PLSCR2: variants seen among roughly 807,000 people sequenced by gnomAD.
PLSCR2 encodes the protein PL scramblase 2.
In PLSCR2, 18 loss-of-function variants were observed where a neutral mutation model predicts 25.3. The observed-to-expected ratio is 0.71, with a 90% confidence interval of 0.49 to 1.06. PLSCR2 has a LOEUF of 1.06. PLSCR2 is among the 50% of genes least tolerant of loss of function. The pLI is 0.00. For synonymous variants in PLSCR2, 88 were observed against 87.3 expected, an observed-to-expected ratio of 1.01 and a Z score of -0.04; for missense variants, 243 against 269.5, an observed-to-expected ratio of 0.90 and a Z score of 0.69.
chr3:146,484,527 G>T (rs138723748), intron 1 of PLSCR2, among the ~76,000 whole-genome samples: 185 of 152,160 alleles, frequency 1.2e-3, no homozygotes, highest in African/African-American at 3.4e-3. Flanking sequence ...ATACTGTTAA[G>T]GGCAGCCAGA....
At chr3:146,440,361 C>T (rs1370727169), downstream of PLSCR2, among the ~76,000 whole-genome samples, 101 of 152,244 alleles carry the variant, frequency 6.6e-4, no homozygotes, top group Non-Finnish European at 1.0e-4. Context: ...CAGCTATTCC[C>T]TGCTTCCAGA....
intron 2 of PLSCR2, chr3:146,401,248 T>C (rs571162015): frequency 6.6e-6 from 1 of 152,372 alleles, no homozygotes; most frequent in East Asian, 1.9e-4. Flanking sequence ...CAATTATCTC[T>C]CTGACGTTTT....
intron 2 of PLSCR2, among the ~76,000 whole-genome samples, chr3:146,411,374 G>A (rs1350672084): frequency 6.6e-6 from 1 of 152,188 alleles, no homozygotes; most frequent in African/African-American, 2.4e-5. Context: ...TACCAGAATC[G>A]AAGTCAAATC....
intron 6 of PLSCR2, among the ~76,000 whole-genome samples, chr3:146,445,709 GTTA>G (rs2040513091): frequency 6.6e-6 from 1 of 152,046 alleles, no homozygotes; most frequent in South Asian, 2.1e-4. Context: ...AAAGTTCTCT[GTTA>G]TTATCCCCTT....
At chr3:146,489,814 T>G (rs1362042849) in intron 1 of PLSCR2, among the ~76,000 whole-genome samples, 1 of 152,088 alleles carries the variant, frequency 6.6e-6, no homozygotes, top group Non-Finnish European at 1.5e-5. Context: ...ATCCTTCAAT[T>G]AGTCATGATT....
intron 2 of PLSCR2, among the ~76,000 whole-genome samples, chr3:146,403,148 A>G (rs2038537192): frequency 6.6e-6 from 1 of 151,768 alleles, no homozygotes; most frequent in Non-Finnish European, 1.5e-5. Flanking sequence ...TTGTAAACAC[A>G]CACACACACA....
chr3:146,404,835 G>T (rs2038606974), intron 2 of PLSCR2, among the ~76,000 whole-genome samples: 1 of 149,388 alleles, frequency 6.7e-6, no homozygotes, highest in Non-Finnish European at 1.5e-5. Context: ...GGGGGGTGGT[G>T]GTTAACTGGT....
chr3:146,469,471 C>G lies in PLSCR2; in HGVS notation c.-292-9187G>C, dbSNP rs535344. 5.8e-5 allele frequency: 56 copies of G among 965,012 alleles called. No homozygotes were observed. The African/African-American group carries it at 9.7e-4, about 17-fold the overall frequency. 59.8% of individuals were successfully genotyped at this position (965,012 alleles called of 1,614,324 possible). A position where few individuals can be genotyped will look rare whatever the true frequency, so the allele number is the denominator to read the frequency against. On this transcript the variant is annotated intron_variant, in intron 1 of 8. Transcript: ENST00000336685. ...GGCACACCCCAGTCCCATAGGGAGG[C>G]GACTGAGAAAGCCGCCCCCTTACCC...
intron 2 of PLSCR2, among the ~76,000 whole-genome samples, chr3:146,418,696 A>G (rs1054422162): frequency 6.6e-6 from 1 of 152,124 alleles, no homozygotes; most frequent in African/African-American, 2.4e-5. Flanking sequence ...CCTCAGAATC[A>G]TTCTTCATTT....
chr3:146,441,228 A>C (rs1270249412), downstream of PLSCR2, among the ~76,000 whole-genome samples: 1 of 152,142 alleles, frequency 6.6e-6, no homozygotes, highest in African/African-American at 2.4e-5. Flanking sequence ...TCCATCTCAA[A>C]AACAAAAAAA....
chr3:146,419,519 CTA>C (rs2039082215), intron 2 of PLSCR2, among the ~76,000 whole-genome samples: 1 of 152,108 alleles, frequency 6.6e-6, no homozygotes, highest in Non-Finnish European at 1.5e-5. Context: ...CCTGTTGCTG[CTA>C]TAACACATCA....
upstream of PLSCR2, among the ~76,000 whole-genome samples, chr3:146,465,344 C>G (rs758435193): frequency 6.6e-6 from 1 of 152,088 alleles, no homozygotes; most frequent in Non-Finnish European, 1.5e-5. Flanking sequence ...TCTTTTGACA[C>G]AGCTAAAGCC....
intron 2 of PLSCR2, among the ~76,000 whole-genome samples, chr3:146,458,800 A>G (rs1171075017): frequency 6.6e-6 from 1 of 152,060 alleles, no homozygotes; most frequent in Non-Finnish European, 1.5e-5. Context: ...TGTAAGTCTC[A>G]GTTATTCATT....
chr3:146,473,557 C>T (rs534338546), intron 1 of PLSCR2, among the ~76,000 whole-genome samples: 86 of 152,222 alleles, frequency 5.6e-4, no homozygotes, highest in African/African-American at 1.9e-3. Flanking sequence ...CCACCCACCT[C>T]GACCTCCCAA....
chr3:146,465,230 T>C (rs1003930902), upstream of PLSCR2, among the ~76,000 whole-genome samples: 3 of 152,192 alleles, frequency 2.0e-5, no homozygotes, highest in Admixed American at 2.0e-4. Context: ...AACTGACTAT[T>C]CTGCAATGCC....
At chr3:146,462,686 T>C (rs1020081881), upstream of PLSCR2, among the ~76,000 whole-genome samples, 1 of 152,032 alleles carries the variant, frequency 6.6e-6, no homozygotes, top group Non-Finnish European at 1.5e-5. Flanking sequence ...AGGCTGGTCT[T>C]GAACTCCTGA....
At chr3:146,404,720 T>C (rs577941102) in intron 2 of PLSCR2, among the ~76,000 whole-genome samples, 52 of 147,958 alleles carry the variant, frequency 3.5e-4, no homozygotes, top group African/African-American at 1.3e-3. Context: ...TTCCAGCTAC[T>C]ACCCTATGAA....
chr3:146,473,525 T>A (rs145863073), intron 1 of PLSCR2, among the ~76,000 whole-genome samples: 2,194 of 152,114 alleles, frequency 0.014, 23 homozygotes, highest in Non-Finnish European at 0.025. Context: ...AGGCTGGTCT[T>A]GAACCCCTGA....
At chr3:146,482,884 A>G (rs1162271962) in intron 1 of PLSCR2, among the ~76,000 whole-genome samples, 1 of 152,230 alleles carries the variant, frequency 6.6e-6, no homozygotes, top group African/African-American at 2.4e-5. Context: ...ACCGTGGAAT[A>G]CTATGCAGCC....
Sources: gnomAD v4.1 joint callset for allele counts (sites outside exome capture counted in the v4.1 genomes callset) on GRCh38, gnomAD v4.1.1 for gene constraint, MANE v1.5 for transcripts, NCBI Gene and HGNC (gene_info 2026-07-23, HGNC 2026-07-21) for gene names.